TMEM266: variants seen among roughly 807,000 people sequenced by gnomAD.
TMEM266 encodes the protein transmembrane protein 266.
TMEM266 carries 33 observed loss-of-function variants against 50.5 expected under a neutral mutation model. That is an observed-to-expected ratio of 0.65 (90% CI 0.50 to 0.87). The LOEUF (loss-of-function observed/expected upper bound fraction) is 0.87. Ranked by LOEUF, TMEM266 falls within the 40% of genes least tolerant of loss-of-function variation. TMEM266 has a pLI of 0.00. For synonymous variants in TMEM266, 310 were observed against 292.3 expected, an observed-to-expected ratio of 1.06 and a Z score of -0.62; for missense variants, 655 against 695.1, an observed-to-expected ratio of 0.94 and a Z score of 0.65.
At chr15:76,167,968 C>T (rs2038123834) in intron 5 of TMEM266, among the ~76,000 whole-genome samples, 1 of 152,204 alleles carries the variant, frequency 6.6e-6, no homozygotes, top group Non-Finnish European at 1.5e-5. Context: ...GGCCCAGGGT[C>T]TGGCATTCAC....
chr15:76,086,930 G>C (rs1036502614), intron 1 of TMEM266, among the ~76,000 whole-genome samples: 2 of 95,446 alleles, frequency 2.1e-5, no homozygotes, highest in African/African-American at 4.0e-5. Flanking sequence ...GAGCAGGTCG[G>C]GGGGGGGGCG....
rs1361943684 is a variant in TMEM266, at chr15:76,203,774, T to G, written c.1055T>G (p.Val352Gly). The G allele has an allele frequency of 6.2e-7, 1 of 1,613,912 alleles. No homozygotes were observed. The highest frequency in any genetic ancestry group is 2.2e-5 in the East Asian group (1 of 44,884). ...GTCCCAGAGCCAGCTGTGTGTATGG[T>G]CACCACGGCCGCAATAGACATTCAC... The change falls in exon 11 of 11, where the codon GTC becomes GGC. Residue 352 changes from valine (V) to glycine (G), a missense_variant. Physicochemically the swap from Val to Gly is moderately radical, Grantham distance 109. Coordinates refer to ENST00000388942, the MANE Select transcript of TMEM266 (RefSeq NM_152335.3).
At chr15:76,162,025 C>T (rs146105791) in intron 5 of TMEM266, among the ~76,000 whole-genome samples, 3 of 152,314 alleles carry the variant, frequency 2.0e-5, no homozygotes, top group East Asian at 3.9e-4. Context: ...CTGTCACTGC[C>T]GGAGACAAGC....
At chr15:76,162,674 C>T (rs2038036505) in intron 5 of TMEM266, among the ~76,000 whole-genome samples, 1 of 152,190 alleles carries the variant, frequency 6.6e-6, no homozygotes, top group African/African-American at 2.4e-5. Context: ...CTAAGCTGGT[C>T]TCTTGCCCCT....
chr15:76,164,339 G>A (rs538135846), intron 5 of TMEM266, among the ~76,000 whole-genome samples: 2 of 152,234 alleles, frequency 1.3e-5, no homozygotes, highest in East Asian at 3.9e-4. Context: ...CCAAGTAGCT[G>A]GGATTACAGT....
At chr15:76,089,882 T>C (rs1011202567) in intron 1 of TMEM266, among the ~76,000 whole-genome samples, 2 of 152,076 alleles carry the variant, frequency 1.3e-5, no homozygotes, top group African/African-American at 4.8e-5. Flanking sequence ...ATTTGGCAAC[T>C]GGTTGGGGGC....
intron 8 of TMEM266, among the ~76,000 whole-genome samples, chr15:76,183,474 C>T (rs1395636885): frequency 6.6e-6 from 1 of 152,122 alleles, no homozygotes; most frequent in Non-Finnish European, 1.5e-5. Context: ...GAAAGTGAGG[C>T]TGGGGAATTG....
intron 1 of TMEM266, among the ~76,000 whole-genome samples, chr15:76,108,215 A>T (rs2037115402): frequency 6.6e-6 from 1 of 152,212 alleles, no homozygotes; most frequent in Non-Finnish European, 1.5e-5. Context: ...CGAGAGGGTC[A>T]CACTAACCTG....
chr15:76,148,770 G>A (rs1456200881), intron 3 of TMEM266, among the ~76,000 whole-genome samples: 2 of 116,304 alleles, frequency 1.7e-5, no homozygotes, highest in Non-Finnish European at 3.3e-5. Flanking sequence ...CTGTTTCCCA[G>A]CGTTGACATT....
In TMEM266 at chr15:76,183,103, C is replaced by CTTTTTTTTTTTTTTTTT. The variant is rs71140199; in HGVS notation, c.768+7443_768+7459dup. Among the ~76,000 whole-genome samples the CTTTTTTTTTTTTTTTTT allele has an allele frequency of 1.6e-4, 7 of 44,126 alleles. 2 individuals carry two copies. Among genetic ancestry groups the CTTTTTTTTTTTTTTTTT allele is most frequent in the Admixed American group, 4.8e-4 (1 of 2,098 alleles). 28.9% of individuals were successfully genotyped at this position (44,126 alleles called of 152,430 possible). Reference sequence around the variant, plus strand: ...CCTCCAGGCTGCTTCCATTTTGTGGCTTTTTTTTTTTTTTTTTTTTTTTTT... The same window carrying CTTTTTTTTTTTTTTTTT: ...CCTCCAGGCTGCTTCCATTTTGTGGCTTTTTTTTTTTTTTTTTTTTTTTTTTTTTTTTTTTTTTTTTT... On this transcript the variant is annotated intron_variant, in intron 8 of 10. Coordinates refer to ENST00000388942, the MANE Select transcript of TMEM266 (RefSeq NM_152335.3).
chr15:76,194,401 C>T (rs1363054007), intron 9 of TMEM266, among the ~76,000 whole-genome samples: 1 of 152,204 alleles, frequency 6.6e-6, no homozygotes, highest in African/African-American at 2.4e-5. Flanking sequence ...CCCACCATAC[C>T]GTGATTGTTC....
intron 3 of TMEM266, among the ~76,000 whole-genome samples, chr15:76,140,043 A>C (rs902836343): frequency 6.6e-6 from 1 of 152,246 alleles, no homozygotes; most frequent in Admixed American, 6.5e-5. Flanking sequence ...TTGCCTCTAA[A>C]TTGGGCCTTT....
intron 1 of TMEM266, among the ~76,000 whole-genome samples, chr15:76,086,930 G>GA (rs985955838): frequency 2.1e-5 from 2 of 95,446 alleles, no homozygotes; most frequent in Non-Finnish European, 2.2e-5. Context: ...GAGCAGGTCG[G>GA]GGGGGGGGCG....
intron 1 of TMEM266, among the ~76,000 whole-genome samples, chr15:76,117,441 G>A (rs1363050828): frequency 6.6e-6 from 1 of 152,016 alleles, no homozygotes; most frequent in African/African-American, 2.4e-5. Flanking sequence ...CTAAGAGACT[G>A]GCCCAGTTTT....
chr15:76,171,976 A>G (rs1264840138), intron 7 of TMEM266, among the ~76,000 whole-genome samples: 1 of 152,108 alleles, frequency 6.6e-6, no homozygotes, highest in Non-Finnish European at 1.5e-5. Flanking sequence ...AAGTCATCTT[A>G]TGGAAGGGGG....
rs566554860 is a variant in TMEM266 at position 76,071,804 on chromosome 15, T to C, written c.-97+11788T>C. 2.0e-5 allele frequency among the ~76,000 whole-genome samples: 3 copies of C among 152,236 alleles called. No individual in the cohort carries two copies. In the South Asian group the frequency reaches 6.2e-4, roughly 32 times the overall value. ...GAGAGAAAGTGCAGGCTTCCCCCGCTTCCCTGCTGCAAGACCTAGAGCTGT... is the reference window on the plus strand; with the variant it reads ...GAGAGAAAGTGCAGGCTTCCCCCGCCTCCCTGCTGCAAGACCTAGAGCTGT... On this transcript the variant is annotated intron_variant, in intron 1 of 10. Coordinates refer to ENST00000388942, the MANE Select transcript of TMEM266 (RefSeq NM_152335.3).
intron 3 of TMEM266, among the ~76,000 whole-genome samples, chr15:76,146,971 G>C (rs576676630): frequency 2.0e-5 from 3 of 152,222 alleles, no homozygotes; most frequent in Admixed American, 6.5e-5. Context: ...CCTGGAACAG[G>C]GGTGTTGACT....
At chr15:76,148,070 G>T (rs982123815) in intron 3 of TMEM266, among the ~76,000 whole-genome samples, 9 of 152,240 alleles carry the variant, frequency 5.9e-5, no homozygotes, top group Non-Finnish European at 1.0e-4. Context: ...AAGGCGCAGG[G>T]TGTACAGCGG....
intron 9 of TMEM266, among the ~76,000 whole-genome samples, chr15:76,198,821 A>T (rs1347271670): frequency 6.6e-6 from 1 of 152,276 alleles, no homozygotes; most frequent in African/African-American, 2.4e-5. Context: ...ACAAGACAAC[A>T]GGCAGGCCCG....
Sources: gnomAD v4.1 joint callset for allele counts (sites outside exome capture counted in the v4.1 genomes callset) on GRCh38, gnomAD v4.1.1 for gene constraint, MANE v1.5 for transcripts, NCBI Gene and HGNC (gene_info 2026-07-23, HGNC 2026-07-21) for gene names.